The following RALGAPB variants were observed in gnomAD, a reference collection of about 807,000 sequenced individuals.
RALGAPB encodes the protein ral GTPase-activating protein subunit beta.
A neutral mutation model predicts 161.1 loss-of-function variants in RALGAPB; 25 were observed. The observed-to-expected ratio is 0.16, with a 90% CI of 0.11 to 0.22. The LOEUF (loss-of-function observed/expected upper bound fraction) is 0.22, where lower values mean the gene tolerates loss of function less well. Among genes scored for constraint, RALGAPB ranks in the 10% least tolerant of loss-of-function variants. RALGAPB has a pLI of 1.00. For missense variants in RALGAPB, 1,391 were observed against 1,815.2 expected (o/e 0.77, Z 4.25); for synonymous variants, 629 against 626.1 (o/e 1.00, Z -0.07).
intron 23 of RALGAPB, among the ~76,000 whole-genome samples, chr20:38,561,782 G>C (rs1209175694): frequency 6.6e-6 from 1 of 152,104 alleles, no homozygotes; most frequent in Non-Finnish European, 1.5e-5. Flanking sequence ...GTGTATTTTA[G>C]AACATTTAGC....
intron 12 of RALGAPB, 27 bp from the exon 13 acceptor site, chr20:38,525,868 G>A (rs760017761): frequency 6.2e-7 from 1 of 1,608,444 alleles, no homozygotes; most frequent in Non-Finnish European, 8.5e-7. Context: ...AACAGCTGAT[G>A]TTAAATATTA....
intron 27 of RALGAPB, among the ~76,000 whole-genome samples, chr20:38,570,370 G>C (rs1022199203): frequency 2.0e-5 from 3 of 152,130 alleles, no homozygotes; most frequent in African/African-American, 7.2e-5. Flanking sequence ...CTACTGTCTC[G>C]TTTTAGTATA....
intron 19 of RALGAPB, chr20:38,546,994 A>G (rs954180617): frequency 1.3e-5 from 2 of 152,840 alleles, no homozygotes; most frequent in African/African-American, 4.8e-5. Context: ...ACCTACTCTG[A>G]TTCCCTCAAC....
intron 1 of RALGAPB, among the ~76,000 whole-genome samples, chr20:38,477,239 A>G (rs922957809): frequency 6.6e-6 from 1 of 152,230 alleles, no homozygotes; most frequent in Non-Finnish European, 1.5e-5. Context: ...AACTATTAAA[A>G]TTAAAAGTTT....
chr20:38,502,876 G>A (rs944174117), intron 5 of RALGAPB, among the ~76,000 whole-genome samples: 4 of 152,166 alleles, frequency 2.6e-5, no homozygotes, highest in Admixed American at 2.6e-4. Flanking sequence ...AAAGTGCTGG[G>A]ATTACAGGCA....
At chr20:38,481,420 A>C (rs1317531706) in intron 1 of RALGAPB, among the ~76,000 whole-genome samples, 1 of 152,240 alleles carries the variant, frequency 6.6e-6, no homozygotes, top group Non-Finnish European at 1.5e-5. Flanking sequence ...CAATCATGGC[A>C]GAAGGCAAGG....
chr20:38,489,015 C>T (rs1456614227), intron 2 of RALGAPB, among the ~76,000 whole-genome samples: 2 of 152,182 alleles, frequency 1.3e-5, no homozygotes, highest in African/African-American at 2.4e-5. Context: ...TGGATGGCCC[C>T]TGACTGAAGA....
At chr20:38,489,354 A>T (rs902351686) in intron 2 of RALGAPB, among the ~76,000 whole-genome samples, 19 of 152,028 alleles carry the variant, frequency 1.2e-4, no homozygotes, top group Non-Finnish European at 1.8e-4. Flanking sequence ...AATTTAAAAA[A>T]TTTTTTTATA....
At chr20:38,546,109 G>A (rs2087153832) in intron 18 of RALGAPB, 134 bp from the exon 19 acceptor site, 13 of 1,478,880 alleles carry the variant, frequency 8.8e-6, no homozygotes, top group African/African-American at 1.4e-5. Context: ...ACCACAAGGA[G>A]TAAATCTGAC....
intron 16 of RALGAPB, among the ~76,000 whole-genome samples, chr20:38,537,494 C>A (rs979332775): frequency 1.3e-5 from 2 of 152,050 alleles, no homozygotes; most frequent in Non-Finnish European, 2.9e-5. Context: ...AATAAAACTT[C>A]TAGAAGAAAA....
At chr20:38,545,723 A>G (rs372971607) in intron 18 of RALGAPB, among the ~76,000 whole-genome samples, 2 of 152,206 alleles carry the variant, frequency 1.3e-5, no homozygotes, top group Non-Finnish European at 2.9e-5. Flanking sequence ...TCAGGCCTCT[A>G]ATGGTTTGCA....
At chr20:38,519,934 T>C (rs1312552620) in intron 9 of RALGAPB, among the ~76,000 whole-genome samples, 2 of 152,212 alleles carry the variant, frequency 1.3e-5, no homozygotes, top group African/African-American at 4.8e-5. Context: ...AAAAGTAACA[T>C]TGAGCTGGGA....
At chr20:38,501,394 T>A (rs933906155) in intron 5 of RALGAPB, among the ~76,000 whole-genome samples, 1 of 152,164 alleles carries the variant, frequency 6.6e-6, no homozygotes, top group African/African-American at 2.4e-5. Flanking sequence ...GGCAGATTAG[T>A]TGAGCTCAGG....
intron 10 of RALGAPB, among the ~76,000 whole-genome samples, chr20:38,524,553 T>C (rs945189516): frequency 4.6e-5 from 7 of 152,188 alleles, no homozygotes; most frequent in African/African-American, 1.7e-4. Context: ...TCAGAATTGT[T>C]CTAATTCCAG....
intron 1 of RALGAPB, among the ~76,000 whole-genome samples, chr20:38,478,498 G>C (rs1326788711): frequency 6.6e-6 from 1 of 152,158 alleles, no homozygotes; most frequent in Admixed American, 6.5e-5. Context: ...TCAGCTCACT[G>C]CAACCTTCGC....
chr20:38,489,016 T>C (rs1020780826), intron 2 of RALGAPB, among the ~76,000 whole-genome samples: 2 of 152,230 alleles, frequency 1.3e-5, no homozygotes, highest in Non-Finnish European at 2.9e-5. Context: ...GGATGGCCCC[T>C]GACTGAAGAC....
intron 13 of RALGAPB, among the ~76,000 whole-genome samples, chr20:38,529,368 A>C (rs750437770): frequency 2.0e-5 from 3 of 151,814 alleles, no homozygotes; most frequent in Non-Finnish European, 4.4e-5. Flanking sequence ...AAATACAAAA[A>C]TTAGCAGGGT....
Position 38,517,587 on chromosome 20 carries a change from C to G in RALGAPB, c.1133C>G (p.Thr378Ser). The G allele has an allele frequency of 6.2e-7, 1 of 1,613,692 alleles. No homozygotes were observed. Among genetic ancestry groups the G allele is most frequent in the Non-Finnish European group, 8.5e-7 (1 of 1,179,874 alleles). Reference protein sequence around the residue: ...LSMPQSAAVSTTPPHNRRHRA... With the variant: ...LSMPQSAAVSSTPPHNRRHRA... ...ATGCCTCAAAGTGCTGCTGTCAGTA[C>G]CACCCCCCCACATAACCGGAGGCAC... The change falls in exon 8 of 30, where the codon ACC (threonine) becomes AGC (serine). Residue 378 changes from threonine (T) to serine (S), a missense_variant. Around this residue, in one of 3 missense-constraint regions of RALGAPB, gnomAD observed 946 missense variants for 1,257.2 expected, o/e 0.75. Transcript: ENST00000262879.
intron 2 of RALGAPB, among the ~76,000 whole-genome samples, chr20:38,491,428 T>TTA (rs1415900888): frequency 6.6e-6 from 1 of 152,176 alleles, no homozygotes; most frequent in Non-Finnish European, 1.5e-5. Flanking sequence ...TAATCTACTG[T>TTA]TACTCTGTCA....
Sources: allele counts gnomAD v4.1 joint callset (sites outside exome capture counted in the v4.1 genomes callset), GRCh38; gene constraint gnomAD v4.1.1; regional missense constraint gnomAD v4.1.1; transcripts MANE v1.5; gene names NCBI Gene and HGNC (gene_info 2026-07-23, HGNC 2026-07-21).